CRBN: variants seen among roughly 807,000 people sequenced by gnomAD.
CRBN encodes the protein cereblon.
A neutral mutation model predicts 62.2 loss-of-function variants in CRBN; 53 were observed. The observed-to-expected ratio is 0.85, with a 90% CI of 0.68 to 1.07. CRBN has a LOEUF of 1.07. Ranked by LOEUF, CRBN falls within the 50% of genes least tolerant of loss-of-function variation. The pLI, the probability that CRBN is intolerant of heterozygous loss-of-function variation, is 0.00. For synonymous variants in CRBN, 208 were observed against 176.1 expected (o/e 1.18, Z -1.43); for missense variants, 616 against 531.1 (o/e 1.16, Z -1.57).
rs371258822 is a variant in CRBN at position 3,168,252 on chromosome 3, A to G, written c.528-459T>C. Among the ~76,000 whole-genome samples the G allele has an allele frequency of 2.6e-5, 4 of 152,294 alleles. 1 individual carries two copies. Among genetic ancestry groups the G allele is most frequent in the South Asian group, 4.1e-4 (2 of 4,830 alleles). Reference sequence around the variant, plus strand: ...CTAATCTAAGTAGAGAAAGGAAGAGAAAAATCAAGAATGCATTTACATGGA... The same window carrying G: ...CTAATCTAAGTAGAGAAAGGAAGAGGAAAATCAAGAATGCATTTACATGGA... On this transcript the variant is annotated intron_variant, in intron 4 of 10. Transcript: ENST00000231948.
chr3:3,166,107 G>C (rs1490999741), intron 5 of CRBN, among the ~76,000 whole-genome samples: 2 of 152,160 alleles, frequency 1.3e-5, no homozygotes, highest in African/African-American at 2.4e-5. Context: ...ACGGTGATAT[G>C]ATCTGGCTGT....
intron 4 of CRBN, among the ~76,000 whole-genome samples, chr3:3,171,799 A>C (rs980459062): frequency 6.6e-6 from 1 of 152,176 alleles, no homozygotes; most frequent in African/African-American, 2.4e-5. Context: ...CGCCCAAAAA[A>C]ACCCCAAAAT....
intron 4 of CRBN, among the ~76,000 whole-genome samples, chr3:3,168,560 G>T (rs1327346770): frequency 6.6e-6 from 1 of 152,084 alleles, no homozygotes; most frequent in African/African-American, 2.4e-5. Flanking sequence ...TGTAGAATAT[G>T]TAACTATATT....
intron 1 of CRBN, among the ~76,000 whole-genome samples, chr3:3,175,998 G>C (rs79260775): frequency 0.015 from 2,251 of 152,230 alleles, 20 homozygotes; most frequent in Non-Finnish European, 0.022. Context: ...GGCTACAGCA[G>C]TGTGTGTCAG....
chr3:3,176,412 GACA>G (rs199905455), intron 1 of CRBN, among the ~76,000 whole-genome samples: 2,225 of 152,264 alleles, frequency 0.015, 18 homozygotes, highest in Non-Finnish European at 0.022. Flanking sequence ...TTTTTCTAGT[GACA>G]ACATTTCCCT....
intron 2 of CRBN, 146 bp from the exon 3 acceptor site, chr3:3,174,407 G>A (rs893650820): frequency 7.2e-6 from 5 of 690,132 alleles, no homozygotes; most frequent in Admixed American, 4.6e-5. Context: ...TTGGGAGGCC[G>A]AGGTAGGCGG....
At position 3,151,449 on chromosome 3, in the gene CRBN, T is replaced by A. The variant is rs529464347; in HGVS notation, c.1149-404A>T. Among the ~76,000 whole-genome samples, 27 of 152,256 alleles carry A rather than the reference T, an allele frequency of 1.8e-4. No individual in the cohort carries two copies. In the South Asian group the frequency reaches 5.6e-3, roughly 32 times the overall value. On this transcript the variant is annotated intron_variant, in intron 10 of 10. Transcript: ENST00000231948. ...TACCTGCAGAAATAATGCACTTCTG[T>A]CTGAGTTAAACTGGATGGGCCAGGA...
At chr3:3,179,014 T>G (rs1707953230) in intron 1 of CRBN, among the ~76,000 whole-genome samples, 1 of 151,828 alleles carries the variant, frequency 6.6e-6, no homozygotes, top group African/African-American at 2.4e-5. Context: ...AGACCGATAG[T>G]AAGAAAAACA....
chr3:3,166,914 G>A (rs114562526), intron 5 of CRBN, among the ~76,000 whole-genome samples: 1 of 150,696 alleles, frequency 6.6e-6, no homozygotes. Flanking sequence ...TAAGGTTACA[G>A]TGGAAACTGT....
chr3:3,165,123 C>G (rs1456182701), intron 5 of CRBN, among the ~76,000 whole-genome samples: 6 of 152,130 alleles, frequency 3.9e-5, no homozygotes, highest in African/African-American at 1.4e-4. Context: ...GTGGAACCCA[C>G]AGATAGGACT....
At chr3:3,171,999 GAT>G (rs1559255666) in intron 4 of CRBN, among the ~76,000 whole-genome samples, 1 of 152,212 alleles carries the variant, frequency 6.6e-6, no homozygotes, top group African/African-American at 2.4e-5. Context: ...AATATCCAGT[GAT>G]CAAGGCAAAT....
chr3:3,163,865 A>C (rs1707230393), intron 5 of CRBN, among the ~76,000 whole-genome samples: 2 of 152,246 alleles, frequency 1.3e-5, no homozygotes, highest in South Asian at 4.1e-4. Context: ...CCCTGTTTCA[A>C]GCAAGTCTAT....
At chr3:3,179,302 C>T (rs1283568091) in intron 1 of CRBN, among the ~76,000 whole-genome samples, 2 of 152,180 alleles carry the variant, frequency 1.3e-5, no homozygotes, top group African/African-American at 2.4e-5. Context: ...GAATCTGACC[C>T]GGTCCTCTAG....
chr3:3,154,875 T>C (rs1706813254), intron 6 of CRBN, 44 bp from the exon 7 acceptor site: 4 of 1,105,386 alleles, frequency 3.6e-6, no homozygotes, highest in Non-Finnish European at 5.6e-6. Flanking sequence ...CATGGGCTTA[T>C]TAAAATTTAC....
Position 3,152,416 on chromosome 3 carries a change from A to G in CRBN, c.1148+40T>C. The G allele has an allele frequency of 4.4e-6, 7 of 1,584,594 alleles. No homozygotes were observed. The South Asian group carries it at 8.1e-5, about 18-fold the overall frequency. ...CTGGATTTTTCTGCCCAATTAAGGT[A>G]AAAAAAGAAAAAAAAAAGCAACCAC... On this transcript the variant is annotated intron_variant, in intron 10 of 10. Coordinates refer to ENST00000231948, the MANE Select transcript of CRBN (RefSeq NM_016302.4).
At chr3:3,153,936 CA>C in intron 8 of CRBN, 23 bp downstream of exon 8, 1 of 1,443,672 alleles carries the variant, frequency 6.9e-7, no homozygotes, top group Non-Finnish European at 9.8e-7. Context: ...ACATGGGCAT[CA>C]AAAACATATT....
rs185646619 is a variant in CRBN at position 3,171,379 on chromosome 3, A to G, written c.527+1397T>C. 4.6e-4 allele frequency among the ~76,000 whole-genome samples: 70 copies of G among 152,294 alleles called. No homozygotes were observed. In the Middle Eastern group the frequency reaches 0.014, roughly 30 times the overall value. ...ACAAAACAGTTTGCTAATTATCATA[A>G]TGCAGACCACCCCCACCCGCCCCAG... is the stretch of plus-strand genomic sequence containing the variant. On this transcript the variant is annotated intron_variant, in intron 4 of 10. Coordinates refer to ENST00000231948, the MANE Select transcript of CRBN (RefSeq NM_016302.4).
chr3:3,154,854 A>T, intron 6 of CRBN, 23 bp from the exon 7 acceptor site: 1 of 1,345,164 alleles, frequency 7.4e-7, no homozygotes, highest in Non-Finnish European at 1.1e-6. Flanking sequence ...AAAGGTAGCC[A>T]TAATCAAGTT....
intron 5 of CRBN, chr3:3,167,387 C>A: frequency 5.4e-6 from 2 of 372,060 alleles, no homozygotes; most frequent in Non-Finnish European, 4.9e-6. Context: ...AAATCAAAAG[C>A]GATTAATATA....
Sources: gnomAD v4.1 joint callset for allele counts (sites outside exome capture counted in the v4.1 genomes callset) on GRCh38, gnomAD v4.1.1 for gene constraint, MANE v1.5 for transcripts, NCBI Gene and HGNC (gene_info 2026-07-23, HGNC 2026-07-21) for gene names.